HAPLN1: variants seen among roughly 807,000 people sequenced by gnomAD.
HAPLN1 encodes the protein Cartilage link protein.
A neutral mutation model predicts 36.5 loss-of-function variants in HAPLN1; 13 were observed. The ratio of observed to expected loss-of-function variants is 0.36; its 90% CI spans 0.23 to 0.57. The LOEUF is 0.57. Among genes scored for constraint, HAPLN1 ranks in the 20% least tolerant of loss-of-function variants. The pLI, the probability that HAPLN1 is intolerant of heterozygous loss-of-function variation, is 0.83. For synonymous variants in HAPLN1, 202 were observed against 169.8 expected, an observed-to-expected ratio of 1.19 and a Z score of -1.48; for missense variants, 407 against 439.7, an observed-to-expected ratio of 0.93 and a Z score of 0.66.
At chr5:83,677,581 A>G (rs1055679173) in intron 1 of HAPLN1, among the ~76,000 whole-genome samples, 2 of 152,032 alleles carry the variant, frequency 1.3e-5, no homozygotes, top group African/African-American at 4.8e-5. Flanking sequence ...CCTGGGTCTG[A>G]TCCTTTGGCA....
intron 3 of HAPLN1, among the ~76,000 whole-genome samples, chr5:83,647,417 A>G (rs1192946468): frequency 6.6e-6 from 1 of 152,326 alleles, no homozygotes; most frequent in Non-Finnish European, 1.5e-5. Context: ...TCAAAGTTTT[A>G]AAACTTTCCT....
intron 2 of HAPLN1, among the ~76,000 whole-genome samples, chr5:83,667,410 G>A (rs995734035): frequency 3.3e-5 from 5 of 152,054 alleles, no homozygotes; most frequent in East Asian, 1.9e-4. Flanking sequence ...ATAATTCCAC[G>A]ATGGAATTCT....
chr5:83,691,585 G>T (rs1053668450), intron 1 of HAPLN1, among the ~76,000 whole-genome samples: 9 of 151,922 alleles, frequency 5.9e-5, no homozygotes, highest in Admixed American at 1.3e-4. Flanking sequence ...TGACCTGAAA[G>T]AATCAAACTG....
intron 1 of HAPLN1, among the ~76,000 whole-genome samples, chr5:83,710,103 G>A (rs932944528): frequency 2.6e-5 from 4 of 152,176 alleles, no homozygotes; most frequent in African/African-American, 9.7e-5. Context: ...TAGTGCAGGT[G>A]GTTTAGACAC....
intron 1 of HAPLN1, among the ~76,000 whole-genome samples, chr5:83,710,147 A>G (rs530766978): frequency 6.6e-6 from 1 of 152,342 alleles, no homozygotes; most frequent in South Asian, 2.1e-4. Flanking sequence ...GGGAGTCGCC[A>G]GCACATAGCT....
At position 83,673,506 on chromosome 5, in the gene HAPLN1, A is replaced by T. The variant is rs1326925636; in HGVS notation, c.18T>A (p.Leu6=). The change falls in exon 2 of 5, where the codon CTT becomes CTA. Residue 6 remains leucine, a synonymous_variant. Coordinates refer to ENST00000274341, the MANE Select transcript of HAPLN1 (RefSeq NM_001884.4). The part of the protein sequence containing the change: MKSLL[L]LVLISICWAD... ...CCCAGCAGATTGAAATCAGCACCAG[A>T]AGAAGTAGACTCTTCATCTTTATAG... The T allele has an allele frequency of 6.2e-7, 1 of 1,612,764 alleles. No homozygotes were observed. The highest frequency in any genetic ancestry group is 1.7e-5 in the Admixed American group (1 of 59,970).
intron 4 of HAPLN1, 68 bp downstream of exon 4, chr5:83,644,295 C>A: frequency 8.7e-7 from 1 of 1,143,922 alleles, no homozygotes; most frequent in Non-Finnish European, 1.2e-6. Flanking sequence ...GATTAAAAGC[C>A]AAGTGTAGTG....
intron 2 of HAPLN1, among the ~76,000 whole-genome samples, chr5:83,657,700 A>G (rs1029631122): frequency 5.3e-5 from 8 of 152,004 alleles, no homozygotes; most frequent in Admixed American, 3.3e-4. Flanking sequence ...TTTAAAATGA[A>G]TTGAGGATGG....
chr5:83,672,592 G>A (rs1292586064), intron 2 of HAPLN1, among the ~76,000 whole-genome samples: 2 of 152,214 alleles, frequency 1.3e-5, no homozygotes, highest in Non-Finnish European at 2.9e-5. Context: ...AGTGAATGCA[G>A]TTTACTGAGG....
In HAPLN1 at chr5:83,639,521, T is replaced by C. The variant is rs1414634899; in HGVS notation, c.*1975A>G. On this transcript the variant is annotated 3_prime_UTR_variant, in exon 5 of 5. Coordinates refer to ENST00000274341, the MANE Select transcript of HAPLN1 (RefSeq NM_001884.4). ...AACAAAATTATCGGAACATACATAA[T>C]AATAGTTCAAGTATGGACTTCTTTC... 6.6e-6 allele frequency: 1 copy of C among 152,114 alleles called. No individual in the cohort carries two copies. 9.4% of individuals were successfully genotyped at this position (152,114 alleles called of 1,614,324 possible). A position where few individuals can be genotyped will look rare whatever the true frequency, so the allele number is the denominator to read the frequency against.
chr5:83,652,732 G>C lies in HAPLN1; in HGVS notation c.193C>G (p.Arg65Gly). ...CCTGAGCCAAATGCTGTAGGGTCTC[G>C]ATAAAATTTACATGGCAGTGTAACA... The part of the protein sequence containing the change: ...GNVTLPCKFY[R>G]DPTAFGSGIH... Residue 65 changes from arginine to glycine, a missense_variant, in exon 3 of 5, where the codon CGA becomes GGA. Transcript: ENST00000274341. 6.2e-7 allele frequency: 1 copy of C among 1,613,904 alleles called. No individual in the cohort carries two copies. Among genetic ancestry groups the C allele is most frequent in the Non-Finnish European group, 8.5e-7 (1 of 1,179,978 alleles).
chr5:83,657,009 T>A lies in HAPLN1; in HGVS notation c.101-4185A>T, dbSNP rs372996007. On this transcript the variant is annotated intron_variant, in intron 2 of 4. Coordinates refer to ENST00000274341, the MANE Select transcript of HAPLN1 (RefSeq NM_001884.4). The stretch of plus-strand genomic sequence containing the variant: ...TAGTCCTATTAAAAGCATAAAAATT[T>A]ATTTGGCGGTTTATACCCGCAGAAA... Among the ~76,000 whole-genome samples, 9 of 152,300 alleles carry A rather than the reference T, an allele frequency of 5.9e-5. No individual in the cohort carries two copies. In the South Asian group the frequency reaches 1.7e-3, roughly 28 times the overall value.
At chr5:83,647,073 G>C (rs528758655) in intron 3 of HAPLN1, among the ~76,000 whole-genome samples, 1 of 152,268 alleles carries the variant, frequency 6.6e-6, no homozygotes, top group South Asian at 2.1e-4. Context: ...TAAATTCACT[G>C]TAGTGTATTT....
intron 2 of HAPLN1, among the ~76,000 whole-genome samples, chr5:83,657,805 TA>T (rs552632849): frequency 0.027 from 3,640 of 136,666 alleles, 139 homozygotes; most frequent in African/African-American, 0.085. Flanking sequence ...CAATAATAAT[TA>T]AAAAAAAAAA....
At chr5:83,662,872 G>A (rs1256205835) in intron 2 of HAPLN1, among the ~76,000 whole-genome samples, 1 of 152,236 alleles carries the variant, frequency 6.6e-6, no homozygotes, top group Non-Finnish European at 1.5e-5. Flanking sequence ...TAAGGCTAAT[G>A]TCTTCACTTA....
rs1749580634 is a variant in HAPLN1, at chr5:83,638,412, C to T, written c.*3084G>A. 6.6e-6 allele frequency: 1 copy of T among 152,030 alleles called. No homozygotes were observed. Among genetic ancestry groups the T allele is most frequent in the African/African-American group, 2.4e-5 (1 of 41,416 alleles). 9.4% of individuals were successfully genotyped at this position (152,030 alleles called of 1,614,324 possible). A position where few individuals can be genotyped will look rare whatever the true frequency, so the allele number is the denominator to read the frequency against. ...CGTTGTACATCCATTGCCGCTCTGGCAGTAGTGAGCTACGATACAGTTAAC... is the reference window on the plus strand; with the variant it reads ...CGTTGTACATCCATTGCCGCTCTGGTAGTAGTGAGCTACGATACAGTTAAC... On this transcript the variant is annotated 3_prime_UTR_variant, in exon 5 of 5. Transcript: ENST00000274341.
At chr5:83,670,918 C>T (rs1750697594) in intron 2 of HAPLN1, among the ~76,000 whole-genome samples, 1 of 152,118 alleles carries the variant, frequency 6.6e-6, no homozygotes, top group African/African-American at 2.4e-5. Context: ...TGGTCTCAAA[C>T]CCCTGACCTC....
chr5:83,703,929 C>G (rs745463538), intron 1 of HAPLN1, among the ~76,000 whole-genome samples: 9 of 151,540 alleles, frequency 5.9e-5, no homozygotes, highest in Non-Finnish European at 1.2e-4. Context: ...AAAGAACATC[C>G]TAAAGACACA....
intron 2 of HAPLN1, among the ~76,000 whole-genome samples, chr5:83,663,975 A>T (rs990078774): frequency 2.6e-5 from 4 of 151,972 alleles, no homozygotes; most frequent in Non-Finnish European, 5.9e-5. Flanking sequence ...TATAAATGTA[A>T]ATCACATTAT....
Sources: allele counts gnomAD v4.1 joint callset (sites outside exome capture counted in the v4.1 genomes callset), GRCh38; gene constraint gnomAD v4.1.1; transcripts MANE v1.5; gene names NCBI Gene and HGNC (gene_info 2026-07-23, HGNC 2026-07-21).